The following CFAP73 variants were observed in gnomAD, a reference collection of about 807,000 sequenced individuals.
CFAP73 encodes the protein cilia- and flagella-associated protein 73.
In CFAP73, 33 loss-of-function variants were observed where a neutral mutation model predicts 42.9. The ratio of observed to expected loss-of-function variants is 0.77; its 90% CI spans 0.58 to 1.03. The LOEUF (loss-of-function observed/expected upper bound fraction) is 1.03. CFAP73 is among the 50% of genes least tolerant of loss of function. The pLI, the probability that CFAP73 is intolerant of heterozygous loss-of-function variation, is 0.00. For synonymous variants in CFAP73, 162 were observed against 186.8 expected, an observed-to-expected ratio of 0.87 and a Z score of 1.08; for missense variants, 392 against 411.9, an observed-to-expected ratio of 0.95 and a Z score of 0.42.
rs935490753 is a variant in CFAP73, at chr12:113,158,820, G to A, written c.*131G>A. 27 of 1,517,970 alleles carry A rather than the reference G, an allele frequency of 1.8e-5. No homozygotes were observed. Among genetic ancestry groups the A allele is most frequent in the Non-Finnish European group, 2.1e-5 (24 of 1,124,452 alleles). 94.0% of individuals were successfully genotyped at this position (1,517,970 alleles called of 1,614,324 possible). ...CAGGCACACAGTGGTGCACGGGAAC[G>A]TCTGCTGATGCCCACCCTAAGGCCA... On this transcript the variant is annotated 3_prime_UTR_variant, in exon 8 of 8. Coordinates refer to ENST00000335621, the MANE Select transcript of CFAP73 (RefSeq NM_001144872.3). This position sits in a 1 kb window ranked among gnomAD's most constrained non-coding sequence, Gnocchi z 4.9.
In CFAP73 at chr12:113,154,968, G is replaced by A. The variant is rs1952104852; in HGVS notation, c.691-292G>A. Among the ~76,000 whole-genome samples the A allele has an allele frequency of 6.6e-6, 1 of 152,192 alleles. No homozygotes were observed. The highest frequency in any genetic ancestry group is 1.5e-5 in the Non-Finnish European group (1 of 68,024). On this transcript the variant is annotated intron_variant, in intron 5 of 7. Transcript: ENST00000335621. This position sits in a 1 kb window ranked among gnomAD's most constrained non-coding sequence, Gnocchi z 4.7. ...GCGGATCACCTCAGGTCATGAGTTC[G>A]AGACCAGCCTGGCCAACATGGTGAA...
At position 113,153,416 on chromosome 12, in the gene CFAP73, CG is replaced by C. The variant is rs1952084856; in HGVS notation, c.468+12del. 2 of 1,412,922 alleles carry C rather than the reference CG, an allele frequency of 1.4e-6. No individual in the cohort carries two copies. Among genetic ancestry groups the C allele is most frequent in the East Asian group, 5.7e-5 (2 of 35,204 alleles). The allele number at this position is 1,412,922 out of a possible 1,614,324, so 87.5% of individuals were successfully genotyped here. ...CTGGAGCTGCTGCCCGGGGTGAGTC[CG>C]GGGCAGGAGGCTGGGAGCTCGGCGC... On this transcript the variant is annotated intron_variant, in intron 4 of 7. Coordinates refer to ENST00000335621, the MANE Select transcript of CFAP73 (RefSeq NM_001144872.3).
intron 7 of CFAP73, 136 bp downstream of exon 7, chr12:113,157,826 T>G (rs1193689043): frequency 1.3e-5 from 9 of 686,828 alleles, no homozygotes; most frequent in Non-Finnish European, 1.0e-5. Context: ...CTGTTCAGAG[T>G]GCTGTGGGCC....
intron 3 of CFAP73, 97 bp downstream of exon 3, chr12:113,152,984 TC>T (rs1233821045): frequency 1.2e-5 from 11 of 951,882 alleles, no homozygotes; most frequent in Non-Finnish European, 1.6e-5. Context: ...GAAGTGGTTT[TC>T]GTCATGCAAA....
chr12:113,152,176 G>T (rs752171613), intron 2 of CFAP73, among the ~76,000 whole-genome samples, 153 bp downstream of exon 2: 1 of 152,242 alleles, frequency 6.6e-6, no homozygotes, highest in Non-Finnish European at 1.5e-5. Context: ...CCAGTTGTTG[G>T]TGCAAATAAA....
At position 113,159,145 on chromosome 12, in the gene CFAP73, G is replaced by T. The variant is rs1039394716; in HGVS notation, c.*456G>T. ...AGGGATTCAGGGAGCTCAGCTGTTGGGATCACTCCCAAGATCCCCTCCTCC... is the reference window on the plus strand; with the variant it reads ...AGGGATTCAGGGAGCTCAGCTGTTGTGATCACTCCCAAGATCCCCTCCTCC... On this transcript the variant is annotated 3_prime_UTR_variant, in exon 8 of 8. Coordinates refer to ENST00000335621, the MANE Select transcript of CFAP73 (RefSeq NM_001144872.3). 41 of 1,546,940 alleles carry T rather than the reference G, an allele frequency of 2.7e-5. No individual in the cohort carries two copies. Among genetic ancestry groups the T allele is most frequent in the Admixed American group, 3.7e-5 (2 of 53,948 alleles).
chr12:113,153,501 T>C, intron 4 of CFAP73, 93 bp downstream of exon 4: 1 of 1,040,594 alleles, frequency 9.6e-7, no homozygotes, highest in Non-Finnish European at 1.3e-6. Context: ...ACTGGTTCGC[T>C]GAACTACTGG....
chr12:113,150,715 C>T (rs1182057654), intron 1 of CFAP73, among the ~76,000 whole-genome samples: 1 of 152,172 alleles, frequency 6.6e-6, no homozygotes, highest in Non-Finnish European at 1.5e-5. Flanking sequence ...CCCTCCTCTG[C>T]CCAAAACACT....
intron 1 of CFAP73, 70 bp downstream of exon 1, chr12:113,149,983 T>G: frequency 2.8e-6 from 4 of 1,446,102 alleles, no homozygotes; most frequent in Non-Finnish European, 2.9e-6. Flanking sequence ...CATCCTTTCT[T>G]CCTCACCTCC....
rs1037322882 is a variant in CFAP73 at position 113,157,678 on chromosome 12, A to G, written c.926A>G (p.Ter309TrpextTer2). The change falls in exon 7 of 8, where the codon TAG (stop) becomes TGG (tryptophan). Residue 309 changes from the stop codon to tryptophan, a stop_lost. Transcript: ENST00000335621. ...GCTGAGCCTGCAGCCCCTGCCTCCT[A>G]GCCCTGACACAGGTGAGCAGCGGGA... ...GQAEPAAPAS[*>W] 1 of 1,551,434 alleles carries G rather than the reference A, an allele frequency of 6.4e-7. No homozygotes were observed.
rs374731949 is a variant in CFAP73, at chr12:113,154,821, A to T, written c.690+186A>T. ...ATGAGGCCCCGCCCCATCCGCCTGCACAAGGCTCCTGCACCCCACTCCCGA... is the reference window on the plus strand; with the variant it reads ...ATGAGGCCCCGCCCCATCCGCCTGCTCAAGGCTCCTGCACCCCACTCCCGA... On this transcript the variant is annotated intron_variant, in intron 5 of 7. Coordinates refer to ENST00000335621, the MANE Select transcript of CFAP73 (RefSeq NM_001144872.3). The surrounding 1 kb of genome is among the most constrained non-coding windows in gnomAD (Gnocchi z 4.7). 1.3e-5 allele frequency among the ~76,000 whole-genome samples: 2 copies of T among 152,352 alleles called. No homozygotes were observed. The highest frequency in any genetic ancestry group is 4.1e-4 in the South Asian group (2 of 4,830).
chr12:113,152,000 C>G lies in CFAP73; in HGVS notation c.139C>G (p.Gln47Glu), dbSNP rs1366798906. The change falls in exon 2 of 8, where the codon CAG becomes GAG. Residue 47 changes from glutamine (Q) to glutamate (E), a missense_variant. By Grantham distance (29) the Gln-to-Glu change is conservative. Transcript: ENST00000335621. The stretch of plus-strand genomic sequence containing the variant: ...GAGGCAAGAGCTGGTAGATGCAGAC[C>G]AGGCCCTGCAGGCCCAGAAGGAGGT... Reference protein sequence around the residue: ...EKRQELVDADQALQAQKEVFR... With the variant: ...EKRQELVDADEALQAQKEVFR... 3 of 1,551,352 alleles carry G rather than the reference C, an allele frequency of 1.9e-6. No homozygotes were observed. In the South Asian group the frequency reaches 3.6e-5, roughly 18 times the overall value.
At chr12:113,153,042 A>G in intron 3 of CFAP73, 155 bp downstream of exon 3, 1 of 679,992 alleles carries the variant, frequency 1.5e-6, no homozygotes, top group Non-Finnish European at 2.2e-6. Context: ...CAACCGATTA[A>G]AAAAAAAAAA....
intron 7 of CFAP73, chr12:113,157,998 G>C: frequency 2.5e-6 from 1 of 392,576 alleles, no homozygotes; most frequent in East Asian, 4.6e-5. Context: ...CTCTTTGTCA[G>C]GTCTCAGAAC....
chr12:113,157,271 A>G, intron 6 of CFAP73: 1 of 325,204 alleles, frequency 3.1e-6, no homozygotes, highest in Non-Finnish European at 5.7e-6. Context: ...AGAGTAGGTC[A>G]CAAACCAATG....
chr12:113,149,810 T>C lies in CFAP73; in HGVS notation c.-48T>C. Reference sequence around the variant, plus strand: ...GAACCCCCAGGGTCTCCTAAGCTTGTGCAAAACTCCAGCTGGTGGAAAGAA... The same window carrying C: ...GAACCCCCAGGGTCTCCTAAGCTTGCGCAAAACTCCAGCTGGTGGAAAGAA... On this transcript the variant is annotated 5_prime_UTR_variant, in exon 1 of 8. Coordinates refer to ENST00000335621, the MANE Select transcript of CFAP73 (RefSeq NM_001144872.3). 6.5e-7 allele frequency: 1 copy of C among 1,542,830 alleles called. No homozygotes were observed. The highest frequency in any genetic ancestry group is 8.8e-7 in the Non-Finnish European group (1 of 1,139,398).
chr12:113,158,111 C>T lies in CFAP73; in HGVS notation c.*11+421C>T, dbSNP rs917655651. ...TCCAGCTGCTGGGGCTGCCCTTGAC[C>T]TTCTCAGAACCTCAAACAGGGGGTG... On this transcript the variant is annotated intron_variant, in intron 7 of 7. Coordinates refer to ENST00000335621, the MANE Select transcript of CFAP73 (RefSeq NM_001144872.3). This position sits in a 1 kb window ranked among gnomAD's most constrained non-coding sequence, Gnocchi z 4.9. The T allele has an allele frequency of 5.6e-6, 1 of 179,164 alleles. No homozygotes were observed. The highest frequency in any genetic ancestry group is 1.2e-5 in the Non-Finnish European group (1 of 83,878). 11.1% of individuals were successfully genotyped at this position (179,164 alleles called of 1,614,324 possible).
chr12:113,152,521 A>G (rs1198441172), intron 2 of CFAP73, among the ~76,000 whole-genome samples: 1 of 152,212 alleles, frequency 6.6e-6, no homozygotes, highest in Non-Finnish European at 1.5e-5. Context: ...AGAACCAAAC[A>G]CAGGTGGTTG....
chr12:113,151,981 A>C lies in CFAP73; in HGVS notation c.120A>C (p.Gln40His). The C allele has an allele frequency of 1.9e-6, 3 of 1,551,624 alleles. No homozygotes were observed. Among genetic ancestry groups the C allele is most frequent in the Non-Finnish European group, 2.6e-6 (3 of 1,146,964 alleles). ...PPVLRLLEKRQELVDADQALQ... is the reference protein window; with the variant it reads ...PPVLRLLEKRHELVDADQALQ... ...TACTGCGTCTCCTGGAGAAGAGGCA[A>C]GAGCTGGTAGATGCAGACCAGGCCC... Residue 40 changes from glutamine to histidine, a missense_variant, in exon 2 of 8, where the codon CAA becomes CAC. Physicochemically the swap from Gln to His is conservative, Grantham distance 24. Transcript: ENST00000335621.
Sources: allele counts gnomAD v4.1 joint callset (sites outside exome capture counted in the v4.1 genomes callset), GRCh38; gene constraint gnomAD v4.1.1; non-coding constraint Gnocchi (gnomAD v3.1); transcripts MANE v1.5; gene names NCBI Gene and HGNC (gene_info 2026-07-23, HGNC 2026-07-21).